TNRC6A: variants seen among roughly 807,000 people sequenced by gnomAD.
The protein encoded by TNRC6A is trinucleotide repeat-containing gene 6A protein.
A neutral mutation model predicts 221.2 loss-of-function variants in TNRC6A; 44 were observed. The observed-to-expected ratio is 0.20, with a 90% CI of 0.16 to 0.26. The LOEUF is 0.26. Among genes scored for constraint, TNRC6A ranks in the 10% least tolerant of loss-of-function variants. The pLI is 1.00. For missense variants in TNRC6A, 2,199 were observed against 2,404.4 expected (o/e 0.91, Z 1.79); for synonymous variants, 847 against 838.5 (o/e 1.01, Z -0.18).
Position 24,823,151 on chromosome 16 carries a change from C to T in TNRC6A, c.5513+138C>T. The T allele has an allele frequency of 7.9e-7, 1 of 1,258,662 alleles. No homozygotes were observed. Among genetic ancestry groups the T allele is most frequent in the African/African-American group, 1.5e-5 (1 of 67,524 alleles). 78.0% of individuals were successfully genotyped at this position (1,258,662 alleles called of 1,614,324 possible). A position where few individuals can be genotyped will look rare whatever the true frequency, so the allele number is the denominator to read the frequency against. ...AGTAGTGCCCTGATTCCAAGGTCGG[C>T]ATTCCTAAGCGGGGAATCAGACCTG... On this transcript the variant is annotated intron_variant, in intron 24 of 24. Transcript: ENST00000395799. This position sits in a 1 kb window ranked among gnomAD's most constrained non-coding sequence, Gnocchi z 4.3.
At chr16:24,731,506 G>A (rs1053398428) in intron 2 of TNRC6A, among the ~76,000 whole-genome samples, 4 of 152,122 alleles carry the variant, frequency 2.6e-5, no homozygotes, top group Non-Finnish European at 5.9e-5. Flanking sequence ...TCATTTAAAG[G>A]AAATTAAGTC....
chr16:24,819,510 T>TTTTTTTTTTG (rs2058724481), intron 21 of TNRC6A: 2 of 147,294 alleles, frequency 1.4e-5, no homozygotes, highest in Admixed American at 6.8e-5. Context: ...TTTCTTTCTT[T>TTTTTTTTTTG]TTTTTTTGTT....
chr16:24,713,688 C>T (rs146703708), intron 2 of TNRC6A, among the ~76,000 whole-genome samples: 293 of 151,888 alleles, frequency 1.9e-3, no homozygotes, highest in Non-Finnish European at 3.3e-3. Context: ...ACTCTGTCAC[C>T]CATCTTGGAG....
At chr16:24,695,596 C>T (rs527968612) in intron 2 of TNRC6A, among the ~76,000 whole-genome samples, 3 of 151,984 alleles carry the variant, frequency 2.0e-5, no homozygotes, top group Non-Finnish European at 4.4e-5. Context: ...GACGGGGTTT[C>T]GCCATTTTGA....
chr16:24,742,982 A>G (rs747191354), intron 2 of TNRC6A, among the ~76,000 whole-genome samples: 1 of 152,152 alleles, frequency 6.6e-6, no homozygotes, highest in Non-Finnish European at 1.5e-5. Context: ...GAGGTCAAGG[A>G]TGAGGTTTGT....
intron 2 of TNRC6A, among the ~76,000 whole-genome samples, chr16:24,697,045 A>G (rs928139885): frequency 9.2e-5 from 14 of 152,186 alleles, no homozygotes; most frequent in Admixed American, 4.6e-4. Context: ...GGTTCACCGT[A>G]GCTTATTGCA....
rs765375243 is a variant in TNRC6A at position 24,815,261 on chromosome 16, G to T, written c.4787G>T (p.Arg1596Leu). The T allele has an allele frequency of 5.6e-6, 9 of 1,614,214 alleles. No homozygotes were observed. Among genetic ancestry groups the T allele is most frequent in the Non-Finnish European group, 7.6e-6 (9 of 1,180,046 alleles). Residue 1596 changes from arginine to leucine, a missense_variant, in exon 19 of 25, where the codon CGT becomes CTT. Transcript: ENST00000395799. Reference sequence around the variant, plus strand: ...GGTTCAATAGGAGATGGCTGGCCACGTGCCAAATCGCCTAACGGCTCTAGC... The same window carrying T: ...GGTTCAATAGGAGATGGCTGGCCACTTGCCAAATCGCCTAACGGCTCTAGC... ...PPGSIGDGWP[R>L]AKSPNGSSSV...
At chr16:24,784,342 T>C (rs984342397) in intron 5 of TNRC6A, among the ~76,000 whole-genome samples, 6 of 152,056 alleles carry the variant, frequency 3.9e-5, no homozygotes, top group African/African-American at 1.2e-4. Context: ...TTATTCATTT[T>C]GAGAGAGGCT....
Position 24,816,826 on chromosome 16 carries a change from T to C in TNRC6A, c.4842T>C (p.Pro1614=). Residue 1614 remains proline, a synonymous_variant, in exon 20 of 25, where the codon CCT becomes CCC. Transcript: ENST00000395799. Reference sequence around the variant, plus strand: ...AATTTCCGTTTCCAGAATTTCGTCCTGGTGAGCCATGGAAAGGTTATCCAA... The same window carrying C: ...AATTTCCGTTTCCAGAATTTCGTCCCGGTGAGCCATGGAAAGGTTATCCAA... ...SSVNWPPEFR[P]GEPWKGYPNI... 1 of 1,607,886 alleles carries C rather than the reference T, an allele frequency of 6.2e-7. No individual in the cohort carries two copies. Among genetic ancestry groups the C allele is most frequent in the South Asian group, 1.1e-5 (1 of 89,316 alleles).
chr16:24,806,075 A>C (rs2058425628), intron 15 of TNRC6A, 131 bp from the exon 16 acceptor site: 1 of 937,738 alleles, frequency 1.1e-6, no homozygotes, highest in Non-Finnish European at 1.6e-6. Flanking sequence ...AGATGGTACT[A>C]GATAATGCTA....
intron 2 of TNRC6A, among the ~76,000 whole-genome samples, chr16:24,664,156 A>C: frequency 6.6e-6 from 1 of 151,892 alleles, no homozygotes; most frequent in East Asian, 1.9e-4. Flanking sequence ...ACACGGCGAA[A>C]CCCCATCTCT....
Position 24,672,677 on chromosome 16 carries a change from C to T in TNRC6A, n.402+31668C>T, listed in dbSNP as rs180875470. On this transcript the variant is annotated intron_variant and non_coding_transcript_variant, in intron 2 of 2. Coordinates refer to the TNRC6A transcript ENST00000566108. Reference sequence around the variant, plus strand: ...GAAGCTGGTCTCCAACTCCTGGGCTCAAGTGATCCTTCCACTTCAACCTCC... The same window carrying T: ...GAAGCTGGTCTCCAACTCCTGGGCTTAAGTGATCCTTCCACTTCAACCTCC... Among the ~76,000 whole-genome samples, 60 of 152,088 alleles carry T rather than the reference C, an allele frequency of 3.9e-4. No individual in the cohort carries two copies. The East Asian group carries it at 9.2e-3, about 23-fold the overall frequency.
At chr16:24,636,098 T>C (rs1901623485) in intron 1 of TNRC6A, among the ~76,000 whole-genome samples, 1 of 152,230 alleles carries the variant, frequency 6.6e-6, no homozygotes, top group Non-Finnish European at 1.5e-5. Flanking sequence ...TTGCAGTGGT[T>C]TGCAGGGAGG....
Position 24,791,126 on chromosome 16 carries a change from A to G in TNRC6A, c.2484A>G (p.Ala828=). 1.2e-6 allele frequency: 2 copies of G among 1,614,078 alleles called. No individual in the cohort carries two copies. The highest frequency in any genetic ancestry group is 2.2e-5 in the East Asian group (1 of 44,876). ...GGAATTGCAAAGAGGAGAAGGCTGC[A>G]TGGAATGACTCGCAAAAGAATAAAC... ...QWGNCKEEKA[A]WNDSQKNKQG... is the part of the protein sequence containing the mutation. Residue 828 remains alanine (A), a synonymous_variant, in exon 6 of 25, where the codon GCA becomes GCG. Coordinates refer to ENST00000395799, the MANE Select transcript of TNRC6A (RefSeq NM_014494.4).
At chr16:24,739,144 A>G (rs1403348210) in intron 2 of TNRC6A, among the ~76,000 whole-genome samples, 1 of 152,226 alleles carries the variant, frequency 6.6e-6, no homozygotes, top group African/African-American at 2.4e-5. Flanking sequence ...TCAGCAATGT[A>G]TGGAGGCACT....
intron 9 of TNRC6A, chr16:24,796,340 A>G: frequency 5.8e-6 from 1 of 172,068 alleles, no homozygotes; most frequent in Non-Finnish European, 1.2e-5. Context: ...TTGAGTAGAA[A>G]ACAACATCAG....
rs1052143418 is a variant in TNRC6A at position 24,789,098 on chromosome 16, C to T, written c.590-134C>T. ...GATAACCAGTGCCCTTGTCACCATT[C>T]TGCCAAGGATCATAGCTTGTTAAAT... On this transcript the variant is annotated intron_variant, in intron 5 of 24. Transcript: ENST00000395799. 3 of 876,576 alleles carry T rather than the reference C, an allele frequency of 3.4e-6. No homozygotes were observed. In the Admixed American group the frequency reaches 9.8e-5, roughly 29 times the overall value. 54.3% of individuals were successfully genotyped at this position (876,576 alleles called of 1,614,324 possible).
At chr16:24,636,978 A>G (rs949121067) in intron 1 of TNRC6A, among the ~76,000 whole-genome samples, 30 of 152,250 alleles carry the variant, frequency 2.0e-4, no homozygotes, top group Admixed American at 3.9e-4. Flanking sequence ...CTGGGGCCCC[A>G]TCAGATTGGC....
intron 4 of TNRC6A, among the ~76,000 whole-genome samples, chr16:24,767,975 A>G (rs79398352): frequency 0.012 from 1,805 of 152,276 alleles, 30 homozygotes; most frequent in African/African-American, 0.041. Context: ...TGAGAACCCC[A>G]TGTGATACTT....
Sources: gnomAD v4.1 joint callset for allele counts (sites outside exome capture counted in the v4.1 genomes callset) on GRCh38, gnomAD v4.1.1 for gene constraint, Gnocchi (gnomAD v3.1) non-coding constraint, MANE v1.5 for transcripts, NCBI Gene and HGNC (gene_info 2026-07-23, HGNC 2026-07-21) for gene names.